JCHAIN: variants seen among roughly 807,000 people sequenced by gnomAD.
JCHAIN encodes the protein joining chain of multimeric IgA and IgM.
In JCHAIN, 5 loss-of-function variants were observed where a neutral mutation model predicts 11.1. The observed-to-expected ratio is 0.45, with a 90% CI of 0.24 to 0.95. The LOEUF is 0.95. Among genes scored for constraint, JCHAIN ranks in the 40% least tolerant of loss-of-function variants. JCHAIN has a pLI of 0.21. For missense variants in JCHAIN, 165 were observed against 192.7 expected (o/e 0.86, Z 0.85); for synonymous variants, 51 against 67.8 (o/e 0.75, Z 1.22).
chr4:70,661,128 G>A (rs1285913286), intron 2 of JCHAIN, among the ~76,000 whole-genome samples: 2 of 152,198 alleles, frequency 1.3e-5, no homozygotes, highest in Non-Finnish European at 2.9e-5. Context: ...GGAATGCTCT[G>A]TTCTCTTTCT....
At chr4:70,661,498 G>A (rs1283479968) in intron 2 of JCHAIN, among the ~76,000 whole-genome samples, 1 of 152,158 alleles carries the variant, frequency 6.6e-6, no homozygotes, top group African/African-American at 2.4e-5. Flanking sequence ...GATTCAAATT[G>A]AAATAACTTG....
chr4:70,665,908 G>C (rs1374551702), intron 1 of JCHAIN: 1 of 324,018 alleles, frequency 3.1e-6, no homozygotes, highest in Admixed American at 3.5e-5. Flanking sequence ...TGAAAGATCA[G>C]TAAACAAAAT....
rs1479978606 is a variant in JCHAIN at position 70,655,685 on chromosome 4, T to C, written c.*644A>G. 1.3e-5 allele frequency: 2 copies of C among 152,212 alleles called. No individual in the cohort carries two copies. The highest frequency in any genetic ancestry group is 2.9e-5 in the Non-Finnish European group (2 of 68,028). 9.4% of individuals were successfully genotyped at this position (152,212 alleles called of 1,614,324 possible). A position where few individuals can be genotyped will look rare whatever the true frequency, so the allele number is the denominator to read the frequency against. Reference sequence around the variant, plus strand: ...AACCTGATTATGAAAAAAAGAAGTCTGTATCATCTGCTTCCAAGTCTGTTA... The same window carrying C: ...AACCTGATTATGAAAAAAAGAAGTCCGTATCATCTGCTTCCAAGTCTGTTA... On this transcript the variant is annotated 3_prime_UTR_variant, in exon 4 of 4. Coordinates refer to ENST00000254801, the MANE Select transcript of JCHAIN (RefSeq NM_144646.4).
intron 1 of JCHAIN, among the ~76,000 whole-genome samples, chr4:70,663,778 C>G (rs1739102077): frequency 6.6e-6 from 1 of 151,316 alleles, no homozygotes; most frequent in Non-Finnish European, 1.5e-5. Flanking sequence ...TTAGGCTGGT[C>G]TCGAACTCCT....
At position 70,666,320 on chromosome 4, in the gene JCHAIN, C is replaced by A. The variant is rs186205050; in HGVS notation, c.64+107G>T. On this transcript the variant is annotated intron_variant, in intron 1 of 3. Transcript: ENST00000254801. ...ATGAAAGCATGTTAGGAAAAAGTAG[C>A]TGGCTAACTGGCCAACCAAAGCATA... 1,186 of 685,136 alleles carry A rather than the reference C, an allele frequency of 1.7e-3. 9 individuals are homozygous for A. Among genetic ancestry groups the A allele is most frequent in the East Asian group, 0.014 (521 of 36,636 alleles). The allele number at this position is 685,136 out of a possible 1,614,324, so 42.4% of individuals were successfully genotyped here.
At chr4:70,657,888 A>G (rs1738979608) in intron 2 of JCHAIN, among the ~76,000 whole-genome samples, 1 of 152,204 alleles carries the variant, frequency 6.6e-6, no homozygotes, top group Admixed American at 6.5e-5. Flanking sequence ...CACAACAATT[A>G]AGTAGCAAAG....
intron 3 of JCHAIN, 23 bp downstream of exon 3, chr4:70,657,188 C>T: frequency 1.5e-6 from 2 of 1,344,794 alleles, no homozygotes; most frequent in South Asian, 1.2e-5. Flanking sequence ...ATCTATATTA[C>T]TATGGAAAAA....
chr4:70,663,532 T>G (rs899240340), intron 1 of JCHAIN: 1 of 151,786 alleles, frequency 6.6e-6, no homozygotes, highest in Non-Finnish European at 1.5e-5. Flanking sequence ...AAATTTTGTA[T>G]CATCTGGGTT....
rs746912095 is a variant in JCHAIN at position 70,662,098 on chromosome 4, C to G, written c.182G>C (p.Arg61Pro). 6.2e-7 allele frequency: 1 copy of G among 1,613,632 alleles called. No individual in the cohort carries two copies. Among genetic ancestry groups the G allele is most frequent in the South Asian group, 1.1e-5 (1 of 91,006 alleles). ...AATATGGAATGCCACATACATAATTCGGATGTTTCTCTCCACAATGTCCTC... is the reference window on the plus strand; with the variant it reads ...AATATGGAATGCCACATACATAATTGGGATGTTTCTCTCCACAATGTCCTC... ...PNEDIVERNI[R>P]IIVPLNNREN... is the part of the protein sequence containing the mutation. Residue 61 changes from arginine to proline, a missense_variant, in exon 2 of 4, where the codon CGA becomes CCA. Coordinates refer to ENST00000254801, the MANE Select transcript of JCHAIN (RefSeq NM_144646.4).
intron 2 of JCHAIN, among the ~76,000 whole-genome samples, chr4:70,659,658 T>C (rs1739018734): frequency 6.7e-6 from 1 of 149,436 alleles, no homozygotes; most frequent in Non-Finnish European, 1.5e-5. Flanking sequence ...GGTCAAGTGT[T>C]CGAGACTAGC....
At chr4:70,665,761 C>A in intron 1 of JCHAIN, 1 of 163,340 alleles carries the variant, frequency 6.1e-6, no homozygotes, top group South Asian at 1.4e-4. Context: ...ACATTTCTGT[C>A]ATTATTCATC....
At chr4:70,661,674 C>G (rs1739060528) in intron 2 of JCHAIN, among the ~76,000 whole-genome samples, 1 of 151,992 alleles carries the variant, frequency 6.6e-6, no homozygotes. Context: ...TGCCTGTAGT[C>G]CCATCTACTG....
intron 2 of JCHAIN, among the ~76,000 whole-genome samples, chr4:70,657,840 A>G (rs928199184): frequency 3.3e-5 from 5 of 152,188 alleles, no homozygotes; most frequent in Non-Finnish European, 5.9e-5. Flanking sequence ...AGGAGAGGAA[A>G]TCATAAATAG....
At position 70,655,980 on chromosome 4, in the gene JCHAIN, A is replaced by G. The variant is rs186988596; in HGVS notation, c.*349T>C. 738 of 162,654 alleles carry G rather than the reference A, an allele frequency of 4.5e-3. 7 individuals carry two copies. The highest frequency in any genetic ancestry group is 0.017 in the African/African-American group (704 of 41,262). 10.1% of individuals were successfully genotyped at this position (162,654 alleles called of 1,614,324 possible). The stretch of plus-strand genomic sequence containing the variant: ...AAAAGCGGGGGGGAATGCGAGGAAC[A>G]TTTTATTACACCTCCTGATTTTCAG... On this transcript the variant is annotated 3_prime_UTR_variant, in exon 4 of 4. Coordinates refer to ENST00000254801, the MANE Select transcript of JCHAIN (RefSeq NM_144646.4).
chr4:70,661,245 A>T (rs931917202), intron 2 of JCHAIN, among the ~76,000 whole-genome samples: 1 of 152,220 alleles, frequency 6.6e-6, no homozygotes, highest in African/African-American at 2.4e-5. Flanking sequence ...TAGTATTAGC[A>T]TTCTTGCTAT....
At chr4:70,659,195 G>T (rs1026731349) in intron 2 of JCHAIN, among the ~76,000 whole-genome samples, 1 of 151,984 alleles carries the variant, frequency 6.6e-6, no homozygotes, top group Non-Finnish European at 1.5e-5. Context: ...TAGGAAAAAG[G>T]CTAGTTAAGT....
At chr4:70,665,706 A>T (rs567651911) in intron 1 of JCHAIN, among the ~76,000 whole-genome samples, 104 of 152,058 alleles carry the variant, frequency 6.8e-4, no homozygotes, top group African/African-American at 2.5e-3. Flanking sequence ...GTTATTCTTA[A>T]TGCTAAATTA....
chr4:70,664,726 A>C (rs896751535), intron 1 of JCHAIN, among the ~76,000 whole-genome samples: 6 of 152,180 alleles, frequency 3.9e-5, no homozygotes, highest in Non-Finnish European at 7.3e-5. Context: ...GTTTTTTCTC[A>C]ATGAAATATA....
chr4:70,666,452 A>G lies in JCHAIN; in HGVS notation c.39T>C (p.Val13=), dbSNP rs1186311469. The G allele has an allele frequency of 3.1e-6, 5 of 1,612,956 alleles. No individual in the cohort carries two copies. Among genetic ancestry groups the G allele is most frequent in the African/African-American group, 2.7e-5 (2 of 74,888 alleles). Reference sequence around the variant, plus strand: ...CTTTCACATGAACAGCCTTAATAAAAACCGCCAGGACTCCCCAGAAAAGCA... The same window carrying G: ...CTTTCACATGAACAGCCTTAATAAAGACCGCCAGGACTCCCCAGAAAAGCA... ...NHLLFWGVLA[V]FIKAVHVKAQ... Residue 13 remains valine (V), a synonymous_variant, in exon 1 of 4, where the codon GTT becomes GTC. Coordinates refer to ENST00000254801, the MANE Select transcript of JCHAIN (RefSeq NM_144646.4).
Sources: gnomAD v4.1 joint callset for allele counts (sites outside exome capture counted in the v4.1 genomes callset) on GRCh38, gnomAD v4.1.1 for gene constraint, MANE v1.5 for transcripts, NCBI Gene and HGNC (gene_info 2026-07-23, HGNC 2026-07-21) for gene names.